EXT1: variants seen among roughly 807,000 people sequenced by gnomAD.
EXT1 encodes the protein exostosin-1.
A neutral mutation model predicts 82.5 loss-of-function variants in EXT1; 20 were observed. The observed-to-expected ratio is 0.24, with a 90% confidence interval of 0.17 to 0.35. EXT1 has a LOEUF of 0.35. EXT1 is among the 10% of genes least tolerant of loss of function. The pLI, the probability that EXT1 is intolerant of heterozygous loss-of-function variation, is 1.00. For missense variants in EXT1, 757 were observed against 936.5 expected (o/e 0.81, Z 2.50); for synonymous variants, 348 against 350.8 (o/e 0.99, Z 0.09).
intron 4 of EXT1, among the ~76,000 whole-genome samples, chr8:117,828,860 G>A (rs1457058645): frequency 6.6e-6 from 1 of 152,100 alleles, no homozygotes; most frequent in Non-Finnish European, 1.5e-5. Context: ...GCCCTAGGGT[G>A]GGAGCAGGAG....
At chr8:117,857,292 A>G (rs1013114571) in intron 1 of EXT1, among the ~76,000 whole-genome samples, 1 of 152,202 alleles carries the variant, frequency 6.6e-6, no homozygotes, top group African/African-American at 2.4e-5. Context: ...ACAGTGGCTC[A>G]TGCCTGTAAT....
intron 1 of EXT1, among the ~76,000 whole-genome samples, chr8:117,928,903 C>G (rs1296883839): frequency 1.3e-5 from 2 of 152,110 alleles, no homozygotes; most frequent in African/African-American, 4.8e-5. Flanking sequence ...AGCCAAGGAC[C>G]TTGAGTTCTG....
chr8:118,082,089 C>T (rs17506100), intron 1 of EXT1, among the ~76,000 whole-genome samples: 3,760 of 152,134 alleles, frequency 0.025, 136 homozygotes, highest in African/African-American at 0.084. Context: ...GTTAATTTCC[C>T]GTTATTTTAA....
At chr8:117,903,530 A>G (rs1243252445) in intron 1 of EXT1, among the ~76,000 whole-genome samples, 1 of 152,236 alleles carries the variant, frequency 6.6e-6, no homozygotes. Context: ...AATAAAACAC[A>G]CGTACATTTA....
At chr8:117,965,683 A>G (rs566304007) in intron 1 of EXT1, among the ~76,000 whole-genome samples, 3 of 152,334 alleles carry the variant, frequency 2.0e-5, no homozygotes, top group Non-Finnish European at 4.4e-5. Context: ...GCACATTGTC[A>G]GCTATGTAAC....
intron 1 of EXT1, among the ~76,000 whole-genome samples, chr8:117,981,567 G>A (rs1033773372): frequency 1.3e-5 from 2 of 152,160 alleles, no homozygotes; most frequent in Admixed American, 6.5e-5. Flanking sequence ...TCTTGAAAAA[G>A]TACTTTCTGC....
At chr8:117,977,475 T>C (rs903115425) in intron 1 of EXT1, among the ~76,000 whole-genome samples, 20 of 151,606 alleles carry the variant, frequency 1.3e-4, no homozygotes, top group Admixed American at 4.6e-4. Flanking sequence ...AATAAAGTGT[T>C]AGTAGGAAAA....
Position 117,844,137 on chromosome 8 carries a change from CTATTATTATTAT to C in EXT1, c.963-6948_963-6937del, listed in dbSNP as rs61042253. 3.5e-5 allele frequency among the ~76,000 whole-genome samples: 5 copies of C among 142,530 alleles called. 1 individual carries two copies. In the East Asian group the frequency reaches 8.1e-4, roughly 23 times the overall value. The allele number at this position is 142,530 out of a possible 152,430, so 93.5% of individuals were successfully genotyped here. A position where few individuals can be genotyped will look rare whatever the true frequency, so the allele number is the denominator to read the frequency against. The stretch of plus-strand genomic sequence containing the variant: ...GTTTAACAGTTTAAAATTTCAATTA[CTATTATTATTAT>C]TATTATTATTATTATTATTTTGAGA... On this transcript the variant is annotated intron_variant, in intron 1 of 10. Coordinates refer to ENST00000378204, the MANE Select transcript of EXT1 (RefSeq NM_000127.3).
chr8:117,914,258 A>G (rs910604263), intron 1 of EXT1, among the ~76,000 whole-genome samples: 2 of 152,144 alleles, frequency 1.3e-5, no homozygotes, highest in African/African-American at 4.8e-5. Context: ...TACTTTTATA[A>G]TTTCTTACAC....
chr8:118,110,759 C>CT lies in EXT1; in HGVS notation c.287dup (p.Lys97GlufsTer92). 6.2e-7 allele frequency: 1 copy of CT among 1,614,210 alleles called. No individual in the cohort carries two copies. Among genetic ancestry groups the CT allele is most frequent in the Non-Finnish European group, 8.5e-7 (1 of 1,180,050 alleles). On this transcript the variant is annotated frameshift_variant, in exon 1 of 11. Transcript: ENST00000378204. LOFTEE classifies it high-confidence loss of function. ...CGAAGCAGGACTCCATGCGGCACTT[C>CT]TTGCCTTTGTAGATGCTGGAGTTGG...
At chr8:118,063,594 T>C (rs1200487749) in intron 1 of EXT1, among the ~76,000 whole-genome samples, 4 of 152,240 alleles carry the variant, frequency 2.6e-5, no homozygotes, top group Non-Finnish European at 5.9e-5. Context: ...GAAAATGAAT[T>C]GCTTCAGTTC....
chr8:117,975,600 C>T (rs1011137591), intron 1 of EXT1, among the ~76,000 whole-genome samples: 1 of 152,082 alleles, frequency 6.6e-6, no homozygotes, highest in African/African-American at 2.4e-5. Flanking sequence ...CTCATCACCA[C>T]CCCCCACTCC....
At chr8:118,089,969 G>A (rs1403016746) in intron 1 of EXT1, among the ~76,000 whole-genome samples, 1 of 152,198 alleles carries the variant, frequency 6.6e-6, no homozygotes, top group Non-Finnish European at 1.5e-5. Context: ...TGGAGGCAAG[G>A]CTTTTGTAAA....
At chr8:117,948,676 CTT>C (rs1388182429) in intron 1 of EXT1, among the ~76,000 whole-genome samples, 2 of 152,186 alleles carry the variant, frequency 1.3e-5, no homozygotes, top group Non-Finnish European at 2.9e-5. Flanking sequence ...CAAAGTAATC[CTT>C]TGAGTGTGGT....
intron 1 of EXT1, among the ~76,000 whole-genome samples, chr8:117,981,815 T>A (rs142222952): frequency 0.031 from 4,611 of 150,156 alleles, 221 homozygotes; most frequent in African/African-American, 0.11. Context: ...GAGGCGGAGG[T>A]TGCGGTGGGC....
intron 2 of EXT1, among the ~76,000 whole-genome samples, chr8:117,835,936 C>T (rs548927028): frequency 1.3e-5 from 2 of 152,276 alleles, no homozygotes; most frequent in Admixed American, 6.5e-5. Flanking sequence ...GTCAACGTAA[C>T]TCCCACAAGT....
At chr8:117,955,659 G>A (rs1279845351) in intron 1 of EXT1, among the ~76,000 whole-genome samples, 2 of 152,074 alleles carry the variant, frequency 1.3e-5, no homozygotes, top group Non-Finnish European at 2.9e-5. Context: ...GGGTTCAAGC[G>A]ATTCTCATGC....
intron 1 of EXT1, among the ~76,000 whole-genome samples, chr8:117,840,915 G>C (rs1812265303): frequency 6.6e-6 from 1 of 152,134 alleles, no homozygotes; most frequent in African/African-American, 2.4e-5. Flanking sequence ...ACAGATGAGA[G>C]CAAGTGCTGA....
intron 1 of EXT1, among the ~76,000 whole-genome samples, chr8:118,049,707 CCTT>C (rs1816687272): frequency 1.3e-5 from 2 of 152,180 alleles, no homozygotes; most frequent in South Asian, 2.1e-4. Context: ...TGCCAATAAA[CCTT>C]CATCTTCACG....
Sources: allele counts gnomAD v4.1 joint callset (sites outside exome capture counted in the v4.1 genomes callset), GRCh38; gene constraint gnomAD v4.1.1; transcripts MANE v1.5; gene names NCBI Gene and HGNC (gene_info 2026-07-23, HGNC 2026-07-21).